The following TMEM156 variants were observed in gnomAD, a reference collection of about 807,000 sequenced individuals.
TMEM156 encodes transmembrane protein 156.
In TMEM156, 28 loss-of-function variants were observed where a neutral mutation model predicts 30.5. That is an observed-to-expected ratio of 0.92 (90% CI 0.68 to 1.26). TMEM156 has a LOEUF of 1.26. Among genes scored for constraint, TMEM156 ranks in the 50% most tolerant of loss-of-function variants. The probability of loss-of-function intolerance (pLI) is 0.00; values close to 1 mark genes in which losing one functional copy is unlikely to be tolerated. For synonymous variants in TMEM156, 137 were observed against 119.9 expected (o/e 1.14, Z -0.93); for missense variants, 351 against 340.6 (o/e 1.03, Z -0.24).
At chr4:38,984,654 C>G (rs1026098291) in intron 5 of TMEM156, among the ~76,000 whole-genome samples, 1 of 152,088 alleles carries the variant, frequency 6.6e-6, no homozygotes, top group Admixed American at 6.6e-5. Context: ...TTCCCTTTCT[C>G]TGTCAGAAAA....
chr4:39,023,744 C>T (rs778365244), intron 1 of TMEM156, among the ~76,000 whole-genome samples: 2 of 152,120 alleles, frequency 1.3e-5, no homozygotes, highest in Admixed American at 6.5e-5. Context: ...GTCCCAGCTA[C>T]GCAGGAGGCT....
At chr4:39,019,521 T>C (rs1344196338) in intron 1 of TMEM156, among the ~76,000 whole-genome samples, 1 of 152,166 alleles carries the variant, frequency 6.6e-6, no homozygotes, top group East Asian at 1.9e-4. Context: ...ATATTATTTT[T>C]AGGCTGGGGG....
At chr4:38,976,167 A>G (rs1280263843) in intron 5 of TMEM156, among the ~76,000 whole-genome samples, 1 of 151,766 alleles carries the variant, frequency 6.6e-6, no homozygotes, top group Non-Finnish European at 1.5e-5. Flanking sequence ...CGTGCCTGTA[A>G]TCTCAGTTAT....
intron 5 of TMEM156, among the ~76,000 whole-genome samples, chr4:38,978,937 A>C (rs1723037057): frequency 6.6e-6 from 1 of 152,168 alleles, no homozygotes; most frequent in Admixed American, 6.5e-5. Context: ...GTGAGCCACC[A>C]CACCTGGACT....
At chr4:39,011,935 T>A (rs547360700) in intron 1 of TMEM156, among the ~76,000 whole-genome samples, 1 of 152,132 alleles carries the variant, frequency 6.6e-6, no homozygotes, top group African/African-American at 2.4e-5. Flanking sequence ...AAATACCACA[T>A]GTTCTCATTT....
chr4:38,981,179 C>G (rs1723163798), intron 5 of TMEM156, among the ~76,000 whole-genome samples: 1 of 152,194 alleles, frequency 6.6e-6, no homozygotes, highest in Non-Finnish European at 1.5e-5. Flanking sequence ...AGTAATTTAT[C>G]TTCTCATCTG....
At chr4:38,990,639 T>C (rs538415415) in intron 3 of TMEM156, among the ~76,000 whole-genome samples, 6 of 152,092 alleles carry the variant, frequency 3.9e-5, no homozygotes, top group African/African-American at 1.4e-4. Flanking sequence ...TGCAGCCTTC[T>C]TAGAGAGGAG....
chr4:38,985,270 C>G (rs1349760102), intron 5 of TMEM156, among the ~76,000 whole-genome samples: 1 of 152,188 alleles, frequency 6.6e-6, no homozygotes, highest in Non-Finnish European at 1.5e-5. Context: ...AAAATTTCCA[C>G]CAACTTACCC....
chr4:39,014,264 A>G (rs1381606510), intron 1 of TMEM156, among the ~76,000 whole-genome samples: 1 of 152,250 alleles, frequency 6.6e-6, no homozygotes, highest in Non-Finnish European at 1.5e-5. Context: ...ATATCATGTC[A>G]TGAAGAATTT....
At chr4:39,027,634 CA>C (rs921812228) in intron 1 of TMEM156, among the ~76,000 whole-genome samples, 7 of 146,604 alleles carry the variant, frequency 4.8e-5, no homozygotes, top group African/African-American at 1.8e-4. Context: ...CAGCTCACTG[CA>C]ACCTCTGCCT....
chr4:38,980,876 T>G (rs1723144229), intron 5 of TMEM156: 1 of 958,224 alleles, frequency 1.0e-6, no homozygotes, highest in Non-Finnish European at 1.2e-6. Context: ...TGTGCACATG[T>G]TTTACCATCA....
In TMEM156 at chr4:38,998,890, T is replaced by C. The variant is rs764648967; in HGVS notation, c.108A>G (p.Ser36=). 43 of 1,612,600 alleles carry C rather than the reference T, an allele frequency of 2.7e-5. No individual in the cohort carries two copies. In the East Asian group the frequency reaches 9.4e-4, roughly 35 times the overall value. The part of the protein sequence containing the change: ...KTPKERTLEL[S]CLEVCLQSNF... The stretch of plus-strand genomic sequence containing the variant: ...TAGATTGCAAACACACTTCCAGACA[T>C]GATAGCTCCAATGTTCTTTCTGTAA... The change falls in exon 2 of 7, where the codon TCA becomes TCG. Residue 36 remains serine (S), a synonymous_variant. Coordinates refer to ENST00000381938, the MANE Select transcript of TMEM156 (RefSeq NM_024943.3).
At chr4:39,026,064 C>T (rs1324844252) in intron 1 of TMEM156, among the ~76,000 whole-genome samples, 1 of 152,086 alleles carries the variant, frequency 6.6e-6, no homozygotes, top group Non-Finnish European at 1.5e-5. Context: ...GTGAACAAAG[C>T]AGACAAAACC....
At chr4:39,020,027 G>T (rs1475689960) in intron 1 of TMEM156, among the ~76,000 whole-genome samples, 1 of 152,076 alleles carries the variant, frequency 6.6e-6, no homozygotes, top group Admixed American at 6.6e-5. Flanking sequence ...AACTCTTTAC[G>T]ACTCCATATA....
At chr4:39,007,585 G>C (rs1013339946) in intron 1 of TMEM156, among the ~76,000 whole-genome samples, 1 of 152,086 alleles carries the variant, frequency 6.6e-6, no homozygotes, top group African/African-American at 2.4e-5. Context: ...CTCCCAAGTA[G>C]CTGGGACTAC....
chr4:38,982,681 T>C (rs1352951318), intron 5 of TMEM156, among the ~76,000 whole-genome samples: 1 of 152,228 alleles, frequency 6.6e-6, no homozygotes, highest in East Asian at 1.9e-4. Context: ...GTGAAGATGA[T>C]AGTTAAATGA....
intron 3 of TMEM156, among the ~76,000 whole-genome samples, chr4:38,992,951 C>T (rs181785669): frequency 4.2e-4 from 63 of 150,240 alleles, no homozygotes; most frequent in Non-Finnish European, 7.4e-4. Flanking sequence ...TTAGTAGAGA[C>T]GGGGTTTCAC....
At chr4:38,989,942 C>T (rs1406905506) in intron 3 of TMEM156, among the ~76,000 whole-genome samples, 4 of 152,082 alleles carry the variant, frequency 2.6e-5, no homozygotes, top group African/African-American at 9.7e-5. Flanking sequence ...TACAGGTGCT[C>T]ACCACCACGC....
At chr4:39,008,980 C>T (rs1416073507) in intron 1 of TMEM156, among the ~76,000 whole-genome samples, 4 of 151,686 alleles carry the variant, frequency 2.6e-5, no homozygotes, top group African/African-American at 7.3e-5. Flanking sequence ...GTTGTTTTTT[C>T]AAAGGATAAA....
Sources: gnomAD v4.1 joint callset for allele counts (sites outside exome capture counted in the v4.1 genomes callset) on GRCh38, gnomAD v4.1.1 for gene constraint, MANE v1.5 for transcripts, NCBI Gene and HGNC (gene_info 2026-07-23, HGNC 2026-07-21) for gene names.